Variants in CFAP47 observed in about 807,000 individuals in gnomAD.
CFAP47 encodes cilia- and flagella-associated protein 47.
In CFAP47, 29 loss-of-function variants were observed where a neutral mutation model predicts 148.1. The ratio of observed to expected loss-of-function variants is 0.20; its 90% confidence interval spans 0.15 to 0.27. The LOEUF is 0.27. CFAP47 is among the 10% of genes least tolerant of loss of function. CFAP47 has a pLI of 1.00. For missense variants in CFAP47, 1,872 were observed against 1,697.5 expected, an observed-to-expected ratio of 1.10 and a Z score of -1.81; for synonymous variants, 664 against 577.3, an observed-to-expected ratio of 1.15 and a Z score of -2.15.
At chrX:36,019,931 A>T (rs950213907) in intron 22 of CFAP47, among the ~76,000 whole-genome samples, 1 of 111,734 alleles carries the variant, frequency 8.9e-6, no homozygotes, top group Admixed American at 9.5e-5. Flanking sequence ...TTCATTTTTT[A>T]AAATTTCTGC....
chrX:36,167,531 G>C (rs897715717), intron 39 of CFAP47, among the ~76,000 whole-genome samples: 2 of 111,464 alleles, frequency 1.8e-5, no homozygotes, highest in Admixed American at 1.9e-4. Context: ...ACTCGTGAGA[G>C]CTTCAGTCCG....
At chrX:35,960,739 C>G (rs1039430384) in intron 8 of CFAP47, among the ~76,000 whole-genome samples, 1 of 111,241 alleles carries the variant, frequency 9.0e-6, no homozygotes, top group African/African-American at 3.3e-5. Context: ...ATTTGCTGAA[C>G]TCATTTATTA....
intron 20 of CFAP47, 30 bp from the exon 21 acceptor site, chrX:36,001,583 T>C (rs1936915631): frequency 3.4e-6 from 1 of 292,704 alleles, no homozygotes; most frequent in Non-Finnish European, 6.0e-6. Context: ...TTGATTGTTA[T>C]GAATATGTGT....
intron 39 of CFAP47, among the ~76,000 whole-genome samples, chrX:36,176,491 A>C (rs923878336): frequency 8.9e-6 from 1 of 112,605 alleles, no homozygotes; most frequent in Non-Finnish European, 1.9e-5. Flanking sequence ...AGAAAGACAA[A>C]ATTTGAGGCC....
intron 45 of CFAP47, among the ~76,000 whole-genome samples, chrX:36,209,553 A>C (rs1940077378): frequency 9.0e-6 from 1 of 111,043 alleles, no homozygotes; most frequent in Non-Finnish European, 1.9e-5. Flanking sequence ...TGGTCTTTAA[A>C]TGTAAATTTA....
chrX:36,010,519 A>G (rs895853850), intron 21 of CFAP47, among the ~76,000 whole-genome samples: 3 of 105,346 alleles, frequency 2.8e-5, no homozygotes, highest in Non-Finnish European at 3.9e-5. Context: ...GTGCAGTGGC[A>G]TGATCTCGGC....
At chrX:36,255,527 G>T (rs1940740134) in intron 49 of CFAP47, among the ~76,000 whole-genome samples, 1 of 110,552 alleles carries the variant, frequency 9.0e-6, no homozygotes, top group Admixed American at 9.6e-5. Flanking sequence ...TGTGGAAGGA[G>T]GTTTGACCTT....
At chrX:36,278,848 G>C (rs1476994371) in intron 49 of CFAP47, among the ~76,000 whole-genome samples, 4 of 111,439 alleles carry the variant, frequency 3.6e-5, no homozygotes, top group Admixed American at 2.9e-4. Flanking sequence ...TCTTATTTAG[G>C]ACTACCAACA....
At chrX:36,346,488 T>G (rs945282138) in intron 57 of CFAP47, among the ~76,000 whole-genome samples, 1 of 111,879 alleles carries the variant, frequency 8.9e-6, no homozygotes, top group Non-Finnish European at 1.9e-5. Flanking sequence ...GATGCCCCTT[T>G]CTTTCACAGA....
intron 48 of CFAP47, among the ~76,000 whole-genome samples, chrX:36,249,223 G>GA: frequency 9.1e-6 from 1 of 110,176 alleles, no homozygotes. Flanking sequence ...AATCAATAGA[G>GA]AAAACCAATA....
chrX:36,048,107 T>C (rs1937488248), intron 26 of CFAP47, among the ~76,000 whole-genome samples: 1 of 112,040 alleles, frequency 8.9e-6, no homozygotes, highest in Non-Finnish European at 1.9e-5. Context: ...TCCAATGCTG[T>C]CCTTGCCTTT....
At chrX:36,034,946 A>G (rs1405139370) in intron 23 of CFAP47, among the ~76,000 whole-genome samples, 1 of 110,609 alleles carries the variant, frequency 9.0e-6, no homozygotes, top group Non-Finnish European at 1.9e-5. Flanking sequence ...AGACACATAT[A>G]CCTATAATTA....
rs769901699 is a variant in CFAP47 at position 35,997,406 on chromosome X, T to C, written c.3177+17T>C. ...ATCAATCCTGTGAGTATGTTACTTA[T>C]TTGTGTGATGAAACTCTGAGTGTGG... On this transcript the variant is annotated intron_variant, in intron 19 of 63. Coordinates refer to ENST00000378653, the MANE Select transcript of CFAP47 (RefSeq NM_001304548.2). 4.8e-5 allele frequency: 14 copies of C among 292,579 alleles called. No individual in the cohort carries two copies. The highest frequency in any genetic ancestry group is 3.6e-4 in the African/African-American group (13 of 36,363). The allele number at this position is 292,579 out of a possible 1,213,427, so 24.1% of individuals were successfully genotyped here.
intron 48 of CFAP47, among the ~76,000 whole-genome samples, chrX:36,245,023 G>A (rs1216394931): frequency 8.9e-6 from 1 of 111,966 alleles, no homozygotes; most frequent in Non-Finnish European, 1.9e-5. Flanking sequence ...GATCAAGCAA[G>A]CATTACTCCT....
intron 15 of CFAP47, chrX:35,985,799 G>GAAT (rs1356277180): frequency 9.3e-6 from 2 of 213,986 alleles, no homozygotes; most frequent in African/African-American, 6.0e-5. Flanking sequence ...AAGCCTTGGA[G>GAAT]TGTGGGGATC....
intron 42 of CFAP47, among the ~76,000 whole-genome samples, chrX:36,194,506 A>G (rs189073507): frequency 6.2e-4 from 69 of 111,741 alleles, no homozygotes; most frequent in African/African-American, 1.0e-3. Flanking sequence ...TCACACTACT[A>G]TAAAGAACTA....
chrX:36,381,379 AT>A (rs782696368), intron 63 of CFAP47, among the ~76,000 whole-genome samples: 10 of 112,110 alleles, frequency 8.9e-5, no homozygotes, highest in African/African-American at 3.2e-4. Flanking sequence ...AAAAAATATT[AT>A]TTGCATTATC....
chrX:36,254,325 G>C (rs1940725335), intron 49 of CFAP47, among the ~76,000 whole-genome samples: 1 of 111,320 alleles, frequency 9.0e-6, no homozygotes, highest in Non-Finnish European at 1.9e-5. Flanking sequence ...GGATGTGTTT[G>C]GAGTGCATGT....
At chrX:36,186,806 C>T (rs1412993584) in intron 40 of CFAP47, among the ~76,000 whole-genome samples, 1 of 110,935 alleles carries the variant, frequency 9.0e-6, no homozygotes, top group East Asian at 2.8e-4. Context: ...CACTCCCTGA[C>T]TCTGGGCCAC....
Sources: allele counts gnomAD v4.1 joint callset (sites outside exome capture counted in the v4.1 genomes callset), GRCh38; gene constraint gnomAD v4.1.1; transcripts MANE v1.5; gene names NCBI Gene and HGNC (gene_info 2026-07-23, HGNC 2026-07-21).